GRIK2: variants seen among roughly 807,000 people sequenced by gnomAD.
GRIK2 encodes glutamate ionotropic receptor kainate type subunit 2, also known as glutamate receptor ionotropic, kainate 2.
Under a neutral mutation model 100.3 loss-of-function variants are expected in GRIK2, and 32 were observed. That is an observed-to-expected ratio of 0.32 (90% CI 0.24 to 0.43). The LOEUF (loss-of-function observed/expected upper bound fraction) is 0.43. GRIK2 is among the 20% of genes least tolerant of loss of function. The probability of loss-of-function intolerance (pLI) is 1.00; values close to 1 mark genes in which losing one functional copy is unlikely to be tolerated. For missense variants in GRIK2, 843 were observed against 1,114.9 expected, an observed-to-expected ratio of 0.76 and a Z score of 3.47; for synonymous variants, 417 against 389.4, an observed-to-expected ratio of 1.07 and a Z score of -0.83.
chr6:101,494,498 C>T (rs1288086291), intron 2 of GRIK2, among the ~76,000 whole-genome samples: 1 of 151,854 alleles, frequency 6.6e-6, no homozygotes, highest in Admixed American at 6.6e-5. Context: ...AAAACTTTAA[C>T]AATTATTACT....
At chr6:101,840,556 G>T (rs545269971) in intron 10 of GRIK2, among the ~76,000 whole-genome samples, 1 of 152,262 alleles carries the variant, frequency 6.6e-6, no homozygotes, top group Non-Finnish European at 1.5e-5. Flanking sequence ...TTGTCTTGCT[G>T]GCATCACTGG....
At chr6:101,733,909 C>T (rs1431996492) in intron 7 of GRIK2, among the ~76,000 whole-genome samples, 3 of 151,940 alleles carry the variant, frequency 2.0e-5, no homozygotes, top group Admixed American at 6.6e-5. Flanking sequence ...ACATTTCCTC[C>T]AGTTTCTGAT....
At chr6:101,885,801 T>C (rs1786570787) in intron 11 of GRIK2, among the ~76,000 whole-genome samples, 1 of 152,098 alleles carries the variant, frequency 6.6e-6, no homozygotes, top group African/African-American at 2.4e-5. Flanking sequence ...GTGCAGAAAG[T>C]AGACTTTCCT....
At chr6:101,603,617 A>G (rs1404796582) in intron 2 of GRIK2, among the ~76,000 whole-genome samples, 3 of 151,804 alleles carry the variant, frequency 2.0e-5, no homozygotes, top group Non-Finnish European at 2.9e-5. Context: ...AGAACTTCAT[A>G]AACTGAAAAT....
intron 4 of GRIK2, among the ~76,000 whole-genome samples, chr6:101,646,864 G>A (rs924444820): frequency 2.6e-5 from 4 of 151,864 alleles, no homozygotes; most frequent in Non-Finnish European, 5.9e-5. Flanking sequence ...GTTTGGAGAG[G>A]AAATTACCTC....
chr6:101,711,629 A>G (rs1010535232), intron 7 of GRIK2, among the ~76,000 whole-genome samples: 3 of 151,856 alleles, frequency 2.0e-5, no homozygotes, highest in African/African-American at 7.2e-5. Context: ...ATTGAAATAA[A>G]ATGTTTTTAA....
chr6:101,823,210 A>C (rs988135577), intron 10 of GRIK2, among the ~76,000 whole-genome samples: 1 of 151,896 alleles, frequency 6.6e-6, no homozygotes, highest in Non-Finnish European at 1.5e-5. Context: ...AGCTCACTTC[A>C]TTTTTTCTCT....
chr6:101,758,045 A>G (rs759278336), intron 7 of GRIK2, among the ~76,000 whole-genome samples: 3 of 152,160 alleles, frequency 2.0e-5, no homozygotes, highest in African/African-American at 4.8e-5. Flanking sequence ...CATGGACAAC[A>G]TGGTGAAATC....
At chr6:101,535,871 C>A (rs1189914734) in intron 2 of GRIK2, among the ~76,000 whole-genome samples, 1 of 151,646 alleles carries the variant, frequency 6.6e-6, no homozygotes, top group Non-Finnish European at 1.5e-5. Context: ...TTTGGTCACA[C>A]ACACCTTAAT....
intron 2 of GRIK2, among the ~76,000 whole-genome samples, chr6:101,418,475 A>G (rs1776259547): frequency 6.6e-6 from 1 of 152,148 alleles, no homozygotes; most frequent in Admixed American, 6.5e-5. Flanking sequence ...CATGAACCAG[A>G]ATACTGCTCT....
At position 101,874,499 on chromosome 6, in the gene GRIK2, G is replaced by A. The variant is rs545974119; in HGVS notation, c.1524+15006G>A. ...GTACCATGCTGTTTTGGTTACTGTAGCCTTGTAATATAGTTTGAAGTCAGG... is the reference window on the plus strand; with the variant it reads ...GTACCATGCTGTTTTGGTTACTGTAACCTTGTAATATAGTTTGAAGTCAGG... On this transcript the variant is annotated intron_variant, in intron 11 of 16. Transcript: ENST00000369134. 1.1e-4 allele frequency among the ~76,000 whole-genome samples: 16 copies of A among 152,264 alleles called. No homozygotes were observed. In the East Asian group the frequency reaches 2.1e-3, roughly 20 times the overall value.
At chr6:101,719,713 G>C (rs1774340264) in intron 7 of GRIK2, among the ~76,000 whole-genome samples, 1 of 151,978 alleles carries the variant, frequency 6.6e-6, no homozygotes, top group Admixed American at 6.6e-5. Flanking sequence ...TTTTCTGCCA[G>C]CATAGGAGGC....
intron 7 of GRIK2, among the ~76,000 whole-genome samples, chr6:101,691,410 C>T (rs1429208357): frequency 5.3e-5 from 8 of 151,428 alleles, no homozygotes; most frequent in Non-Finnish European, 1.0e-4. Context: ...GAGATTCTTG[C>T]GCCTCAGCCT....
intron 7 of GRIK2, among the ~76,000 whole-genome samples, chr6:101,712,491 C>T (rs1446988516): frequency 2.0e-5 from 3 of 151,646 alleles, no homozygotes; most frequent in African/African-American, 4.8e-5. Flanking sequence ...CATAAAATGT[C>T]GAATATTCAT....
At chr6:101,773,427 C>T (rs1185534617) in intron 7 of GRIK2, among the ~76,000 whole-genome samples, 2 of 147,530 alleles carry the variant, frequency 1.4e-5, no homozygotes, top group African/African-American at 2.6e-5. Flanking sequence ...TTGCAGTGAG[C>T]CGAGATCGTG....
chr6:101,979,392 C>T (rs866904515), intron 14 of GRIK2, among the ~76,000 whole-genome samples: 8 of 151,822 alleles, frequency 5.3e-5, no homozygotes, highest in Non-Finnish European at 7.4e-5. Context: ...AAATAGCTAC[C>T]GCTGCAAAGG....
chr6:101,748,309 A>G (rs551476727), intron 7 of GRIK2, among the ~76,000 whole-genome samples: 1 of 152,258 alleles, frequency 6.6e-6, no homozygotes, highest in African/African-American at 2.4e-5. Flanking sequence ...CCTTTCATCA[A>G]TTTAGCACAA....
intron 10 of GRIK2, among the ~76,000 whole-genome samples, chr6:101,844,703 T>A (rs1198746108): frequency 6.6e-6 from 1 of 152,208 alleles, no homozygotes. Flanking sequence ...TTATGTTGTG[T>A]TTATAGTATA....
intron 2 of GRIK2, among the ~76,000 whole-genome samples, chr6:101,403,524 C>T (rs1310409209): frequency 1.3e-5 from 2 of 152,182 alleles, no homozygotes; most frequent in South Asian, 2.1e-4. Flanking sequence ...ACCACCTATA[C>T]GTTGTGGGAT....
Sources: allele counts gnomAD v4.1 joint callset (sites outside exome capture counted in the v4.1 genomes callset), GRCh38; gene constraint gnomAD v4.1.1; transcripts MANE v1.5; gene names NCBI Gene and HGNC (gene_info 2026-07-23, HGNC 2026-07-21).